CNTNAP2: variants seen among roughly 807,000 people sequenced by gnomAD.
CNTNAP2 encodes the protein contactin associated protein 2, also known as contactin-associated protein-like 2.
In CNTNAP2, 98 loss-of-function variants were observed where a neutral mutation model predicts 155.2. The ratio of observed to expected loss-of-function variants is 0.63; its 90% CI spans 0.54 to 0.75. The LOEUF is 0.75. CNTNAP2 is among the 30% of genes least tolerant of loss of function. The probability of loss-of-function intolerance (pLI) is 0.00; values close to 1 mark genes in which losing one functional copy is unlikely to be tolerated. For synonymous variants in CNTNAP2, 651 were observed against 631.2 expected (o/e 1.03, Z -0.47); for missense variants, 1,727 against 1,688.1 (o/e 1.02, Z -0.40).
At chr7:148,176,499 A>G (rs1291076703) in intron 18 of CNTNAP2, among the ~76,000 whole-genome samples, 5 of 152,136 alleles carry the variant, frequency 3.3e-5, no homozygotes, top group Non-Finnish European at 7.4e-5. Context: ...GATTACAGGC[A>G]TGAGCCACCA....
At chr7:147,264,038 A>G (rs1212581780) in intron 8 of CNTNAP2, among the ~76,000 whole-genome samples, 1 of 152,216 alleles carries the variant, frequency 6.6e-6, no homozygotes, top group Non-Finnish European at 1.5e-5. Context: ...AGGAAGCTCT[A>G]TAGATGTAAG....
chr7:146,890,651 G>A (rs1795756378), intron 3 of CNTNAP2, among the ~76,000 whole-genome samples: 1 of 152,060 alleles, frequency 6.6e-6, no homozygotes, highest in Admixed American at 6.6e-5. Flanking sequence ...TTAAAAATAA[G>A]TTAAATAAAC....
At chr7:147,137,388 C>G (rs1036654480) in intron 8 of CNTNAP2, among the ~76,000 whole-genome samples, 1 of 151,338 alleles carries the variant, frequency 6.6e-6, no homozygotes, top group African/African-American at 2.4e-5. Context: ...TTGATCATCT[C>G]TAATTGGTGG....
At position 148,172,921 on chromosome 7, in the gene CNTNAP2, C is replaced by G. The variant is rs530763966; in HGVS notation, c.3010+443C>G. On this transcript the variant is annotated intron_variant, in intron 18 of 23. Coordinates refer to ENST00000361727, the MANE Select transcript of CNTNAP2 (RefSeq NM_014141.6). ...CCCACCCCCTGCAGTTGCTAAGAGACTGGATTCAAGCTACACTCACCAGAA... is the reference window on the plus strand; with the variant it reads ...CCCACCCCCTGCAGTTGCTAAGAGAGTGGATTCAAGCTACACTCACCAGAA... Among the ~76,000 whole-genome samples the G allele has an allele frequency of 2.0e-5, 3 of 152,284 alleles. No homozygotes were observed. The East Asian group carries it at 5.8e-4, about 29-fold the overall frequency.
At chr7:147,987,234 A>C (rs1351073447) in intron 15 of CNTNAP2, among the ~76,000 whole-genome samples, 1 of 152,210 alleles carries the variant, frequency 6.6e-6, no homozygotes, top group Non-Finnish European at 1.5e-5. Flanking sequence ...CAGATTCCAG[A>C]GTGACTTTAA....
intron 13 of CNTNAP2, among the ~76,000 whole-genome samples, chr7:147,676,512 T>A (rs931928369): frequency 6.6e-6 from 1 of 152,010 alleles, no homozygotes; most frequent in Non-Finnish European, 1.5e-5. Context: ...TTATCATTTT[T>A]GTGGATATTT....
intron 8 of CNTNAP2, among the ~76,000 whole-genome samples, chr7:147,270,733 A>G (rs1033907807): frequency 6.6e-6 from 1 of 152,220 alleles, no homozygotes; most frequent in Admixed American, 6.5e-5. Flanking sequence ...TGTGTGTATT[A>G]TACATTGTTT....
intron 10 of CNTNAP2, among the ~76,000 whole-genome samples, chr7:147,425,323 TAG>T (rs1797361587): frequency 6.6e-6 from 1 of 151,472 alleles, no homozygotes; most frequent in Non-Finnish European, 1.5e-5. Flanking sequence ...GTATGAAAAA[TAG>T]AGAGGATTTA....
intron 8 of CNTNAP2, among the ~76,000 whole-genome samples, chr7:147,275,358 T>C (rs2116713854): frequency 6.6e-6 from 1 of 152,068 alleles, no homozygotes; most frequent in South Asian, 2.1e-4. Flanking sequence ...GTAGTTCTTG[T>C]AAAGATCTTT....
intron 1 of CNTNAP2, among the ~76,000 whole-genome samples, chr7:146,739,328 G>C (rs527567724): frequency 6.6e-6 from 1 of 151,684 alleles, no homozygotes; most frequent in Admixed American, 6.6e-5. Context: ...CTCTCCCAGG[G>C]GTTTTGGTAT....
intron 1 of CNTNAP2, among the ~76,000 whole-genome samples, chr7:146,380,900 G>A (rs924565066): frequency 7.5e-6 from 1 of 133,308 alleles, no homozygotes; most frequent in Non-Finnish European, 1.6e-5. Context: ...TGGGGTTCAC[G>A]CCATTCTCCT....
intron 15 of CNTNAP2, among the ~76,000 whole-genome samples, chr7:148,034,310 C>T (rs1322144632): frequency 4.6e-5 from 7 of 152,056 alleles, no homozygotes; most frequent in East Asian, 3.8e-4. Flanking sequence ...TTTAATTGTT[C>T]CCCCCAAAGT....
At chr7:146,534,205 G>T (rs1584968115) in intron 1 of CNTNAP2, among the ~76,000 whole-genome samples, 1 of 152,074 alleles carries the variant, frequency 6.6e-6, no homozygotes, top group East Asian at 1.9e-4. Flanking sequence ...TAAAAATATA[G>T]AATTCAAGCC....
At chr7:147,625,688 T>A (rs1794957554) in intron 12 of CNTNAP2, among the ~76,000 whole-genome samples, 1 of 152,168 alleles carries the variant, frequency 6.6e-6, no homozygotes, top group South Asian at 2.1e-4. Context: ...CTGAACTGTG[T>A]GTGGAGACTC....
chr7:147,927,055 A>G (rs1273513523), intron 14 of CNTNAP2, among the ~76,000 whole-genome samples: 1 of 152,234 alleles, frequency 6.6e-6, no homozygotes, highest in African/African-American at 2.4e-5. Flanking sequence ...AATTTTTAAT[A>G]TTTGCTACAA....
At chr7:147,029,734 T>C (rs937794800) in intron 3 of CNTNAP2, among the ~76,000 whole-genome samples, 1 of 152,158 alleles carries the variant, frequency 6.6e-6, no homozygotes, top group African/African-American at 2.4e-5. Flanking sequence ...AAATTGTTAA[T>C]GCTCAAATCA....
chr7:147,509,563 G>A (rs1165108143), intron 11 of CNTNAP2, among the ~76,000 whole-genome samples: 4 of 152,078 alleles, frequency 2.6e-5, no homozygotes, highest in Non-Finnish European at 5.9e-5. Flanking sequence ...AAATGAGAGA[G>A]AACCTGATAT....
At position 148,419,797 on chromosome 7, in the gene CNTNAP2, G is replaced by C. The variant is rs762272428; in HGVS notation, c.*4181G>C. The stretch of plus-strand genomic sequence containing the variant: ...TAAGAGTGGACCATGAGAATTAGCT[G>C]ACAGCATCCCCTTTCTCTCTCCCTG... On this transcript the variant is annotated 3_prime_UTR_variant, in exon 24 of 24. Coordinates refer to ENST00000361727, the MANE Select transcript of CNTNAP2 (RefSeq NM_014141.6). 4.6e-5 allele frequency: 7 copies of C among 152,072 alleles called. No individual in the cohort carries two copies. Among genetic ancestry groups the C allele is most frequent in the Non-Finnish European group, 1.0e-4 (7 of 68,058 alleles). The allele number at this position is 152,072 out of a possible 1,614,324, so 9.4% of individuals were successfully genotyped here.
chr7:148,050,640 A>G (rs556716338), intron 15 of CNTNAP2, among the ~76,000 whole-genome samples: 19 of 152,320 alleles, frequency 1.2e-4, no homozygotes, highest in African/African-American at 4.1e-4. Context: ...TTAAGTCAAC[A>G]TTAGTGTACA....
Sources: gnomAD v4.1 joint callset for allele counts (sites outside exome capture counted in the v4.1 genomes callset) on GRCh38, gnomAD v4.1.1 for gene constraint, MANE v1.5 for transcripts, NCBI Gene and HGNC (gene_info 2026-07-23, HGNC 2026-07-21) for gene names.